Variants in IGSF3 observed in about 807,000 individuals in gnomAD.
IGSF3 encodes the protein immunoglobulin superfamily member 3.
IGSF3 carries 23 observed loss-of-function variants against 114.4 expected under a neutral mutation model. The ratio of observed to expected loss-of-function variants is 0.20; its 90% CI spans 0.14 to 0.28. The LOEUF (loss-of-function observed/expected upper bound fraction) is 0.28, where lower values mean the gene tolerates loss of function less well. Ranked by LOEUF, IGSF3 falls within the 10% of genes least tolerant of loss-of-function variation. The pLI is 1.00. For synonymous variants in IGSF3, 571 were observed against 645.2 expected (o/e 0.88, Z 1.74); for missense variants, 1,172 against 1,591.5 (o/e 0.74, Z 4.48).
rs1660532979 is a variant in IGSF3 at position 116,600,442 on chromosome 1, T to C, written c.1625-97A>G. 3.0e-6 allele frequency: 3 copies of C among 1,009,082 alleles called. No homozygotes were observed. Among genetic ancestry groups the C allele is most frequent in the African/African-American group, 1.6e-5 (1 of 62,208 alleles). 62.5% of individuals were successfully genotyped at this position (1,009,082 alleles called of 1,614,324 possible). ...GGGGCAGCTGGCAAAGCAAGCAGTGTGGGACAGAGGCTCTCGGAGCCCCTT... is the reference window on the plus strand; with the variant it reads ...GGGGCAGCTGGCAAAGCAAGCAGTGCGGGACAGAGGCTCTCGGAGCCCCTT... On this transcript the variant is annotated intron_variant, in intron 6 of 10. Coordinates refer to ENST00000369486, the MANE Select transcript of IGSF3 (RefSeq NM_001007237.3). The surrounding 1 kb of genome is among the most constrained non-coding windows in gnomAD (Gnocchi z 5.5).
At position 116,627,038 on chromosome 1, in the gene IGSF3, T is replaced by A. The variant is rs1331495697; in HGVS notation, c.44-10581A>T. Among the ~76,000 whole-genome samples, 1 of 152,180 alleles carries A rather than the reference T, an allele frequency of 6.6e-6. No individual in the cohort carries two copies. Among genetic ancestry groups the A allele is most frequent in the African/African-American group, 2.4e-5 (1 of 41,438 alleles). On this transcript the variant is annotated intron_variant, in intron 2 of 10. Coordinates refer to ENST00000369486, the MANE Select transcript of IGSF3 (RefSeq NM_001007237.3). The surrounding 1 kb of genome is among the most constrained non-coding windows in gnomAD (Gnocchi z 4.7). ...AGGGGAAAAAAATTAAAAGGCAAGATCAGATTACTTGCCTGTAAATGTTCT... is the reference window on the plus strand; with the variant it reads ...AGGGGAAAAAAATTAAAAGGCAAGAACAGATTACTTGCCTGTAAATGTTCT...
chr1:116,626,304 A>G lies in IGSF3; in HGVS notation c.44-9847T>C, dbSNP rs561462337. 2.8e-3 allele frequency among the ~76,000 whole-genome samples: 430 copies of G among 152,122 alleles called. 3 individuals carry two copies. Among genetic ancestry groups the G allele is most frequent in the African/African-American group, 9.8e-3 (408 of 41,490 alleles). On this transcript the variant is annotated intron_variant, in intron 2 of 10. Transcript: ENST00000369486. Reference sequence around the variant, plus strand: ...TATATGTAACCACTGAAAAATACACATTATTTTTCAGCATTTTTTACATAA... The same window carrying G: ...TATATGTAACCACTGAAAAATACACGTTATTTTTCAGCATTTTTTACATAA...
rs1172471542 is a variant in IGSF3 at position 116,638,370 on chromosome 1, GCCAGT to G, written c.44-21918_44-21914del. On this transcript the variant is annotated intron_variant, in intron 2 of 10. Coordinates refer to ENST00000369486, the MANE Select transcript of IGSF3 (RefSeq NM_001007237.3). This position sits in a 1 kb window ranked among gnomAD's most constrained non-coding sequence, Gnocchi z 4.1. ...TACTGCTACTCTTTTCCCTACTCTT[GCCAGT>G]CCACTCAGTAAACTACTGCCATACA... 6.6e-6 allele frequency among the ~76,000 whole-genome samples: 1 copy of G among 152,078 alleles called. No individual in the cohort carries two copies. Among genetic ancestry groups the G allele is most frequent in the Non-Finnish European group, 1.5e-5 (1 of 68,024 alleles).
At chr1:116,608,395 A>C in intron 4 of IGSF3, 64 bp from the exon 5 acceptor site, 3 of 1,087,706 alleles carry the variant, frequency 2.8e-6, no homozygotes, top group Non-Finnish European at 4.0e-6. Context: ...CAACTAAACC[A>C]CATTAGCACA....
Position 116,657,041 on chromosome 1 carries a change from C to T in IGSF3, c.43+9243G>A, listed in dbSNP as rs1234552717. ...GTTTACATAATACTTTACCCCAATA[C>T]ATTTTGTCTGCTGTTCTAAATCATG... is the stretch of plus-strand genomic sequence containing the variant. On this transcript the variant is annotated intron_variant, in intron 2 of 10. Coordinates refer to ENST00000369486, the MANE Select transcript of IGSF3 (RefSeq NM_001007237.3). The surrounding 1 kb of genome is among the most constrained non-coding windows in gnomAD (Gnocchi z 4.2). 6.6e-6 allele frequency among the ~76,000 whole-genome samples: 1 copy of T among 152,196 alleles called. No individual in the cohort carries two copies. Among genetic ancestry groups the T allele is most frequent in the East Asian group, 1.9e-4 (1 of 5,206 alleles).
In IGSF3 at chr1:116,665,670, T is replaced by C. The variant is rs1016597677; in HGVS notation, c.43+614A>G. Among the ~76,000 whole-genome samples the C allele has an allele frequency of 1.3e-5, 2 of 152,138 alleles. No homozygotes were observed. Among genetic ancestry groups the C allele is most frequent in the African/African-American group, 2.4e-5 (1 of 41,422 alleles). On this transcript the variant is annotated intron_variant, in intron 2 of 10. Transcript: ENST00000369486. The surrounding 1 kb of genome is among the most constrained non-coding windows in gnomAD (Gnocchi z 4.0). ...CAAAAGCCAATCCTAAAATCTCCCC[T>C]ACCAGGCAGCTTCCTTTTCTTCAGG...
Position 116,596,670 on chromosome 1 carries a change from C to CAA in IGSF3, c.2029+3270_2029+3271insTT, listed in dbSNP as rs1660359246. 2.0e-5 allele frequency among the ~76,000 whole-genome samples: 3 copies of CAA among 152,120 alleles called. No individual in the cohort carries two copies. The highest frequency in any genetic ancestry group is 4.4e-5 in the Non-Finnish European group (3 of 68,018). On this transcript the variant is annotated intron_variant, in intron 7 of 10. Transcript: ENST00000369486. The surrounding 1 kb of genome is among the most constrained non-coding windows in gnomAD (Gnocchi z 4.1). ...AAGTATACAGTACCAAAGAGGATTC[C>CAA]TGAGAAGAAAAACACTTGTCTAGAA...
rs181641958 is a variant in IGSF3, at chr1:116,596,183, C to T, written c.2029+3758G>A. 2.6e-5 allele frequency among the ~76,000 whole-genome samples: 4 copies of T among 152,130 alleles called. No individual in the cohort carries two copies. The highest frequency in any genetic ancestry group is 2.1e-4 in the South Asian group (1 of 4,834). On this transcript the variant is annotated intron_variant, in intron 7 of 10. Transcript: ENST00000369486. This position sits in a 1 kb window ranked among gnomAD's most constrained non-coding sequence, Gnocchi z 4.1. ...GCACAGACCACAAAGAAGCTTGCTG[C>T]GATAAATGATATCACAGCAGTGGAA...
In IGSF3 at chr1:116,648,635, T is replaced by C. The variant is rs1648503686; in HGVS notation, c.43+17649A>G. 6.6e-6 allele frequency among the ~76,000 whole-genome samples: 1 copy of C among 152,186 alleles called. No homozygotes were observed. The highest frequency in any genetic ancestry group is 1.5e-5 in the Non-Finnish European group (1 of 68,044). ...TGCAAAGTGCCTAGCTCCGGACTGC[T>C]TGCAGAAAAGGCACATTTTGACTCT... On this transcript the variant is annotated intron_variant, in intron 2 of 10. Coordinates refer to ENST00000369486, the MANE Select transcript of IGSF3 (RefSeq NM_001007237.3). This position sits in a 1 kb window ranked among gnomAD's most constrained non-coding sequence, Gnocchi z 4.7.
chr1:116,580,179 G>A (rs1040023597), intron 9 of IGSF3, among the ~76,000 whole-genome samples: 1 of 152,180 alleles, frequency 6.6e-6, no homozygotes, highest in African/African-American at 2.4e-5. Context: ...TGGTAGTGTG[G>A]TTCCTTATGG....
intron 2 of IGSF3, among the ~76,000 whole-genome samples, chr1:116,620,717 C>G (rs1661389164): frequency 6.6e-6 from 1 of 152,184 alleles, no homozygotes; most frequent in Non-Finnish European, 1.5e-5. Flanking sequence ...CTCAGTCAAG[C>G]CTTCAGATAA....
At chr1:116,623,252 C>T (rs1246608687) in intron 2 of IGSF3, among the ~76,000 whole-genome samples, 1 of 152,236 alleles carries the variant, frequency 6.6e-6, no homozygotes, top group Non-Finnish European at 1.5e-5. Context: ...AGCCAGGTAA[C>T]TGACACTGTT....
In IGSF3 at chr1:116,651,249, C is replaced by T. The variant is rs1648623223; in HGVS notation, c.43+15035G>A. Among the ~76,000 whole-genome samples the T allele has an allele frequency of 6.6e-6, 1 of 152,256 alleles. No homozygotes were observed. Reference sequence around the variant, plus strand: ...TCTTTGGCTATGCCAGTATCTCTTTCCTGCCTCTTTCTTCTTCAGGCCAAA... The same window carrying T: ...TCTTTGGCTATGCCAGTATCTCTTTTCTGCCTCTTTCTTCTTCAGGCCAAA... On this transcript the variant is annotated intron_variant, in intron 2 of 10. Transcript: ENST00000369486. The surrounding 1 kb of genome is among the most constrained non-coding windows in gnomAD (Gnocchi z 4.4).
At position 116,600,927 on chromosome 1, in the gene IGSF3, C is replaced by T. The variant is rs550797436; in HGVS notation, c.1625-582G>A. ...CAATTATCCTAAATGCAGGGTTCTG[C>T]AGGCTCAGCGGCTGTGGGTCTCTCA... On this transcript the variant is annotated intron_variant, in intron 6 of 10. Transcript: ENST00000369486. The surrounding 1 kb of genome is among the most constrained non-coding windows in gnomAD (Gnocchi z 5.5). Among the ~76,000 whole-genome samples, 1 of 152,286 alleles carries T rather than the reference C, an allele frequency of 6.6e-6. No individual in the cohort carries two copies. The highest frequency in any genetic ancestry group is 2.1e-4 in the South Asian group (1 of 4,826).
intron 2 of IGSF3, among the ~76,000 whole-genome samples, chr1:116,641,577 A>C (rs908994780): frequency 1.7e-4 from 26 of 151,504 alleles, no homozygotes; most frequent in Admixed American, 3.9e-4. Flanking sequence ...AAAGAAAATT[A>C]AAAGAAGGAA....
At position 116,594,079 on chromosome 1, in the gene IGSF3, T is replaced by C. The variant is rs1269083617; in HGVS notation, c.2030-4975A>G. Among the ~76,000 whole-genome samples the C allele has an allele frequency of 6.6e-6, 1 of 152,208 alleles. No individual in the cohort carries two copies. The highest frequency in any genetic ancestry group is 1.5e-5 in the Non-Finnish European group (1 of 68,038). On this transcript the variant is annotated intron_variant, in intron 7 of 10. Transcript: ENST00000369486. This position sits in a 1 kb window ranked among gnomAD's most constrained non-coding sequence, Gnocchi z 5.2. The stretch of plus-strand genomic sequence containing the variant: ...AGGTCAGTCAAGAGAGGATTTTCCT[T>C]TGTTTTGTTCAGAATTGTAGCAAGA...
At chr1:116,623,059 C>G (rs978796262) in intron 2 of IGSF3, among the ~76,000 whole-genome samples, 7 of 152,226 alleles carry the variant, frequency 4.6e-5, no homozygotes, top group African/African-American at 1.4e-4. Context: ...ATCGGGAAGG[C>G]CACTTCCACA....
In IGSF3 at chr1:116,665,502, A is replaced by C. The variant is rs1649293331; in HGVS notation, c.43+782T>G. Reference sequence around the variant, plus strand: ...CTGAAGACAGTGCTCAATGGCATAAAAAGAATAGGCAATTGTTGAGCAGAG... The same window carrying C: ...CTGAAGACAGTGCTCAATGGCATAACAAGAATAGGCAATTGTTGAGCAGAG... On this transcript the variant is annotated intron_variant, in intron 2 of 10. Transcript: ENST00000369486. The surrounding 1 kb of genome is among the most constrained non-coding windows in gnomAD (Gnocchi z 4.0). Among the ~76,000 whole-genome samples, 1 of 152,168 alleles carries C rather than the reference A, an allele frequency of 6.6e-6. No individual in the cohort carries two copies. The highest frequency in any genetic ancestry group is 6.5e-5 in the Admixed American group (1 of 15,282).
At position 116,577,977 on chromosome 1, in the gene IGSF3, T is replaced by G. The variant is rs1205458519; in HGVS notation, c.3335-415A>C. On this transcript the variant is annotated intron_variant, in intron 10 of 10. Transcript: ENST00000369486. This position sits in a 1 kb window ranked among gnomAD's most constrained non-coding sequence, Gnocchi z 5.7. The stretch of plus-strand genomic sequence containing the variant: ...CTACAGACTTCCTTCTCTGGGATTA[T>G]GACACAATCCCTTCCTGCCAGCTTC... Among the ~76,000 whole-genome samples, 1 of 152,222 alleles carries G rather than the reference T, an allele frequency of 6.6e-6. No individual in the cohort carries two copies. The highest frequency in any genetic ancestry group is 2.4e-5 in the African/African-American group (1 of 41,450).
Sources: allele counts gnomAD v4.1 joint callset (sites outside exome capture counted in the v4.1 genomes callset), GRCh38; gene constraint gnomAD v4.1.1; non-coding constraint Gnocchi (gnomAD v3.1); transcripts MANE v1.5; gene names NCBI Gene and HGNC (gene_info 2026-07-23, HGNC 2026-07-21).